Variants in ABLIM2 observed in about 807,000 individuals in gnomAD.
The protein encoded by ABLIM2 is actin binding LIM protein family member 2, also known as actin-binding LIM protein 2.
Under a neutral mutation model 97.7 loss-of-function variants are expected in ABLIM2, and 53 were observed. The ratio of observed to expected loss-of-function variants is 0.54; its 90% confidence interval spans 0.44 to 0.68. The LOEUF (loss-of-function observed/expected upper bound fraction) is 0.68. ABLIM2 is among the 30% of genes least tolerant of loss of function. The pLI, the probability that ABLIM2 is intolerant of heterozygous loss-of-function variation, is 0.00. For synonymous variants in ABLIM2, 361 were observed against 345.8 expected, an observed-to-expected ratio of 1.04 and a Z score of -0.49; for missense variants, 835 against 867.2, an observed-to-expected ratio of 0.96 and a Z score of 0.47.
rs192097374 is a variant in ABLIM2 at position 8,021,148 on chromosome 4, A to T, written c.1268-845T>A. Among the ~76,000 whole-genome samples, 1 of 152,008 alleles carries T rather than the reference A, an allele frequency of 6.6e-6. No homozygotes were observed. Among genetic ancestry groups the T allele is most frequent in the Non-Finnish European group, 1.5e-5 (1 of 68,006 alleles). ...TGGGATTACAGGCATGAGCCACCGC[A>T]CCCTGGCCACATTCTTAAATACAAC... On this transcript the variant is annotated intron_variant, in intron 12 of 20. Transcript: ENST00000447017. This position sits in a 1 kb window ranked among gnomAD's most constrained non-coding sequence, Gnocchi z 5.5.
At chr4:7,997,882 T>A (rs1578232605) in intron 16 of ABLIM2, among the ~76,000 whole-genome samples, 1 of 152,172 alleles carries the variant, frequency 6.6e-6, no homozygotes, top group Non-Finnish European at 1.5e-5. Flanking sequence ...TTTTTTTTCT[T>A]TTTTTCTTTT....
At position 8,124,695 on chromosome 4, in the gene ABLIM2, T is replaced by A. The variant is rs1485758532; in HGVS notation, c.11-18058A>T. 6.6e-6 allele frequency among the ~76,000 whole-genome samples: 1 copy of A among 152,222 alleles called. No individual in the cohort carries two copies. The highest frequency in any genetic ancestry group is 1.5e-5 in the Non-Finnish European group (1 of 68,048). On this transcript the variant is annotated intron_variant, in intron 1 of 20. Coordinates refer to ENST00000447017, the MANE Select transcript of ABLIM2 (RefSeq NM_001130083.2). This position sits in a 1 kb window ranked among gnomAD's most constrained non-coding sequence, Gnocchi z 6.1. ...GGGGCTGTGTCTACTTTTTGGTGAT[T>A]GTGAATAACACGGCTATGAACATTC...
chr4:8,154,704 C>G (rs1277696931), intron 1 of ABLIM2, among the ~76,000 whole-genome samples: 1 of 152,214 alleles, frequency 6.6e-6, no homozygotes, highest in Non-Finnish European at 1.5e-5. Context: ...AATGTAAGTT[C>G]AAGAGAACAT....
In ABLIM2 at chr4:8,005,339, C is replaced by A. The variant is rs183460242; in HGVS notation, c.1618+2720G>T. 9.4e-6 allele frequency: 5 copies of A among 533,366 alleles called. No individual in the cohort carries two copies. Among genetic ancestry groups the A allele is most frequent in the Non-Finnish European group, 1.9e-5 (5 of 260,060 alleles). The allele number at this position is 533,366 out of a possible 1,614,324, so 33.0% of individuals were successfully genotyped here. ...CTCAATAAATACCCGTTGAATGTAA[C>A]GCATTTCAATTCAACAGACATTTAT... On this transcript the variant is annotated intron_variant, in intron 16 of 20. Coordinates refer to ENST00000447017, the MANE Select transcript of ABLIM2 (RefSeq NM_001130083.2). The surrounding 1 kb of genome is among the most constrained non-coding windows in gnomAD (Gnocchi z 4.9).
chr4:8,143,153 C>A (rs1336818467), intron 1 of ABLIM2, among the ~76,000 whole-genome samples: 2 of 55,846 alleles, frequency 3.6e-5, no homozygotes, highest in South Asian at 6.1e-4. Flanking sequence ...GGAGCGGGGG[C>A]GAGAGTGGGG....
At chr4:8,062,350 A>G (rs1373943100) in intron 6 of ABLIM2, among the ~76,000 whole-genome samples, 2 of 152,150 alleles carry the variant, frequency 1.3e-5, no homozygotes, top group African/African-American at 4.8e-5. Context: ...ATAGCAGGTC[A>G]CACCACAGCA....
chr4:8,090,705 CTTTTT>C (rs930692329), intron 3 of ABLIM2, among the ~76,000 whole-genome samples: 2 of 151,324 alleles, frequency 1.3e-5, no homozygotes, highest in African/African-American at 4.9e-5. Context: ...TTAGATTTGT[CTTTTT>C]TTTTATTTTT....
At chr4:7,989,477 T>C in intron 17 of ABLIM2, 1 of 976,460 alleles carries the variant, frequency 1.0e-6, no homozygotes, top group Non-Finnish European at 1.2e-6. Context: ...TGCATTTAAG[T>C]TGATGAATGC....
At chr4:7,969,630 T>C (rs887219227) in intron 20 of ABLIM2, among the ~76,000 whole-genome samples, 6 of 151,892 alleles carry the variant, frequency 4.0e-5, no homozygotes, top group Admixed American at 6.6e-5. Context: ...GCAGCCCCAG[T>C]AGTTGGGGTG....
At chr4:8,102,787 G>A (rs1046189949) in intron 2 of ABLIM2, among the ~76,000 whole-genome samples, 1 of 152,216 alleles carries the variant, frequency 6.6e-6, no homozygotes, top group Non-Finnish European at 1.5e-5. Context: ...TCCTGCTTTG[G>A]CTCAACTGGT....
chr4:7,972,956 G>A (rs781048602), intron 20 of ABLIM2, among the ~76,000 whole-genome samples: 5 of 152,010 alleles, frequency 3.3e-5, no homozygotes, highest in Admixed American at 6.6e-5. Context: ...TTTTTCAGGC[G>A]CATTCCAACA....
chr4:7,984,123 A>T (rs759347243), intron 18 of ABLIM2, among the ~76,000 whole-genome samples: 1 of 152,188 alleles, frequency 6.6e-6, no homozygotes, highest in African/African-American at 2.4e-5. Flanking sequence ...ACCCACAGAA[A>T]GCAGTATCTA....
chr4:8,042,160 G>A (rs190461663), intron 9 of ABLIM2, among the ~76,000 whole-genome samples: 18 of 152,218 alleles, frequency 1.2e-4, no homozygotes, highest in African/African-American at 2.4e-4. Flanking sequence ...CTCTCTGACC[G>A]CCTCCTGCCC....
rs1047986899 is a variant in ABLIM2, at chr4:7,986,813, C to G, written c.1681-1920G>C. 1.3e-5 allele frequency among the ~76,000 whole-genome samples: 2 copies of G among 152,152 alleles called. No homozygotes were observed. Among genetic ancestry groups the G allele is most frequent in the Admixed American group, 1.3e-4 (2 of 15,278 alleles). ...TCAGCCTCCTGAGCAGCTGGGATTA[C>G]AGGCGCCTACCACCACGGCGAGATA... On this transcript the variant is annotated intron_variant, in intron 17 of 20. Coordinates refer to ENST00000447017, the MANE Select transcript of ABLIM2 (RefSeq NM_001130083.2). This position sits in a 1 kb window ranked among gnomAD's most constrained non-coding sequence, Gnocchi z 4.3.
At chr4:7,982,801 T>G (rs1317335955) in intron 20 of ABLIM2, among the ~76,000 whole-genome samples, 1 of 152,102 alleles carries the variant, frequency 6.6e-6, no homozygotes, top group Admixed American at 6.5e-5. Flanking sequence ...CCTCCCGGGT[T>G]CAAGTGATTC....
chr4:8,156,560 G>A (rs1429405282), intron 1 of ABLIM2, among the ~76,000 whole-genome samples: 4 of 152,242 alleles, frequency 2.6e-5, no homozygotes, highest in Non-Finnish European at 5.9e-5. Context: ...CTGAAGACAT[G>A]GACACAGCCC....
rs1241312329 is a variant in ABLIM2 at position 8,149,499 on chromosome 4, T to C, written c.10+9181A>G. Among the ~76,000 whole-genome samples the C allele has an allele frequency of 6.6e-6, 1 of 151,768 alleles. No homozygotes were observed. The highest frequency in any genetic ancestry group is 6.6e-5 in the Admixed American group (1 of 15,228). ...CCCAGCTTGGTCTGTGTCCACAGGTTCAGAGGAAGGAGGGAAGCAGAGGGC... is the reference window on the plus strand; with the variant it reads ...CCCAGCTTGGTCTGTGTCCACAGGTCCAGAGGAAGGAGGGAAGCAGAGGGC... On this transcript the variant is annotated intron_variant, in intron 1 of 20. Transcript: ENST00000447017. The surrounding 1 kb of genome is among the most constrained non-coding windows in gnomAD (Gnocchi z 6.4).
chr4:8,038,886 G>A (rs1322506498), intron 9 of ABLIM2, among the ~76,000 whole-genome samples: 1 of 152,154 alleles, frequency 6.6e-6, no homozygotes, highest in African/African-American at 2.4e-5. Flanking sequence ...TAGCACTCAA[G>A]TCCTTTCAGC....
Position 8,087,009 on chromosome 4 carries a change from G to T in ABLIM2, c.454+1160C>A, listed in dbSNP as rs563078052. 7.2e-5 allele frequency among the ~76,000 whole-genome samples: 11 copies of T among 152,300 alleles called. No homozygotes were observed. The South Asian group carries it at 2.3e-3, about 32-fold the overall frequency. ...AAATTATAACCAGCTCCCAGGGCCA[G>T]TGCTGCACCTCGGGGAGGCTGGAAG... On this transcript the variant is annotated intron_variant, in intron 4 of 20. Coordinates refer to ENST00000447017, the MANE Select transcript of ABLIM2 (RefSeq NM_001130083.2). The surrounding 1 kb of genome is among the most constrained non-coding windows in gnomAD (Gnocchi z 4.6).
Sources: allele counts gnomAD v4.1 joint callset (sites outside exome capture counted in the v4.1 genomes callset), GRCh38; gene constraint gnomAD v4.1.1; non-coding constraint Gnocchi (gnomAD v3.1); transcripts MANE v1.5; gene names NCBI Gene and HGNC (gene_info 2026-07-23, HGNC 2026-07-21).